The following GPD1 variants were observed in gnomAD, a reference collection of about 807,000 sequenced individuals.
GPD1 encodes the protein glycerol-3-phosphate dehydrogenase 1.
In GPD1, 19 loss-of-function variants were observed where a neutral mutation model predicts 34.4. The observed-to-expected ratio is 0.55, with a 90% CI of 0.39 to 0.81. GPD1 has a LOEUF of 0.81. Among genes scored for constraint, GPD1 ranks in the 30% least tolerant of loss-of-function variants. GPD1 has a pLI of 0.00. For missense variants in GPD1, 429 were observed against 447.0 expected, an observed-to-expected ratio of 0.96 and a Z score of 0.36; for synonymous variants, 172 against 174.1, an observed-to-expected ratio of 0.99 and a Z score of 0.09.
chr12:50,104,857 C>G, intron 2 of GPD1, 106 bp downstream of exon 2: 1 of 903,562 alleles, frequency 1.1e-6, no homozygotes, highest in Admixed American at 2.1e-5. Context: ...GCTTCAGGTG[C>G]AGCAGGACTT....
In GPD1 at chr12:50,107,616, A is replaced by G; in HGVS notation, c.662A>G (p.Asp221Gly). Residue 221 changes from aspartate to glycine, a missense_variant, in exon 6 of 8, where the codon GAC (aspartate) becomes GGC (glycine). Asp to Gly is a moderately conservative substitution (Grantham distance 94). Transcript: ENST00000301149. ...AGFCDGLGFG[D>G]NTKAAVIRLG... ...TTCTGTGATGGCCTGGGCTTTGGCG[A>G]CAACACCAAGGCGGCAGTGATCCGG... The G allele has an allele frequency of 1.2e-6, 2 of 1,614,144 alleles. No homozygotes were observed. The highest frequency in any genetic ancestry group is 2.2e-5 in the South Asian group (2 of 91,086).
chr12:50,109,263 C>A (rs537437619), intron 7 of GPD1, among the ~76,000 whole-genome samples, 160 bp from the exon 8 acceptor site: 1 of 151,918 alleles, frequency 6.6e-6, no homozygotes, highest in East Asian at 1.9e-4. Context: ...AAACCTAGGG[C>A]TAGGGAGTTC....
At chr12:50,107,314 A>G (rs1179752545) in intron 5 of GPD1, 1 of 672,848 alleles carries the variant, frequency 1.5e-6, no homozygotes, top group African/African-American at 1.8e-5. Context: ...TGGAATGGTC[A>G]TAGATGGGAA....
At chr12:50,104,517 C>G in intron 1 of GPD1, 57 bp from the exon 2 acceptor site, 1 of 1,391,170 alleles carries the variant, frequency 7.2e-7, no homozygotes, top group Non-Finnish European at 1.0e-6. Flanking sequence ...GGGCGCTGCC[C>G]CAACTCCTGC....
chr12:50,104,106 C>A lies in GPD1; in HGVS notation c.41+15C>A, dbSNP rs764978813. ...TCCGGGAACTGGTAAGCAGCTCTGTCAAGTGATATGGGGGAAGGGTAGGCC... is the reference window on the plus strand; with the variant it reads ...TCCGGGAACTGGTAAGCAGCTCTGTAAAGTGATATGGGGGAAGGGTAGGCC... On this transcript the variant is annotated intron_variant, in intron 1 of 7. Coordinates refer to ENST00000301149, the MANE Select transcript of GPD1 (RefSeq NM_005276.4). 4 of 1,612,760 alleles carry A rather than the reference C, an allele frequency of 2.5e-6. No homozygotes were observed. Among genetic ancestry groups the A allele is most frequent in the Non-Finnish European group, 3.4e-6 (4 of 1,178,884 alleles).
At position 50,107,760 on chromosome 12, in the gene GPD1, G is replaced by A. The variant is rs369575243; in HGVS notation, c.806G>A (p.Arg269Gln). Residue 269 changes from arginine (R) to glutamine (Q), a missense_variant, in exon 6 of 8, where the codon CGG (arginine) becomes CAG (glutamine). Coordinates refer to ENST00000301149, the MANE Select transcript of GPD1 (RefSeq NM_005276.4). ...CTGATCACTACCTGCTATGGAGGGC[G>A]GAACCGGAAAGTGGCTGAGGCCTTT... ...ADLITTCYGG[R>Q]NRKVAEAFAR... 5.1e-5 allele frequency: 83 copies of A among 1,613,998 alleles called. No individual in the cohort carries two copies. Among genetic ancestry groups the A allele is most frequent in the Middle Eastern group, 1.6e-4 (1 of 6,084 alleles).
chr12:50,105,947 G>A (rs542720015), intron 3 of GPD1: 42 of 679,100 alleles, frequency 6.2e-5, no homozygotes, highest in Middle Eastern at 2.3e-4. Context: ...ATGCCTGGGA[G>A]ATATGAGAAG....
Position 50,104,765 on chromosome 12 carries a change from C to T in GPD1, c.219+14C>T. ...CCCCCAAATGTGGTGAGCCCCAACA[C>T]CCTGCGAAGAACAGGGAGAGGAAGG... On this transcript the variant is annotated intron_variant, in intron 2 of 7. Transcript: ENST00000301149. 1 of 1,609,254 alleles carries T rather than the reference C, an allele frequency of 6.2e-7. No homozygotes were observed. Among genetic ancestry groups the T allele is most frequent in the Non-Finnish European group, 8.5e-7 (1 of 1,176,224 alleles).
intron 4 of GPD1, 115 bp downstream of exon 4, chr12:50,106,541 G>A (rs1950980129): frequency 3.8e-6 from 4 of 1,051,284 alleles, no homozygotes; most frequent in Admixed American, 4.8e-5. Flanking sequence ...GAAAATACAA[G>A]CATCAGAGGT....
At position 50,109,850 on chromosome 12, in the gene GPD1, T is replaced by TG. The variant is rs1951010031; in HGVS notation, c.*336dup. On this transcript the variant is annotated 3_prime_UTR_variant, in exon 8 of 8. Transcript: ENST00000301149. ...GGGGGTGATGTATGTGGAGAAGGGT[T>TG]GGGGGAGAGGCCGGTAGGGCAGGGG... is the stretch of plus-strand genomic sequence containing the variant. 6.9e-6 allele frequency: 2 copies of TG among 291,596 alleles called. No individual in the cohort carries two copies. Among genetic ancestry groups the TG allele is most frequent in the Non-Finnish European group, 1.3e-5 (2 of 149,604 alleles). 18.1% of individuals were successfully genotyped at this position (291,596 alleles called of 1,614,324 possible). A position where few individuals can be genotyped will look rare whatever the true frequency, so the allele number is the denominator to read the frequency against.
intron 6 of GPD1, 62 bp from the exon 7 acceptor site, chr12:50,107,962 T>A: frequency 9.6e-6 from 11 of 1,144,802 alleles, no homozygotes; most frequent in Non-Finnish European, 1.2e-5. Flanking sequence ...CTCCAGTCTC[T>A]CCACCCCCTA....
In GPD1 at chr12:50,104,022, T is replaced by C; in HGVS notation, c.-29T>C. The C allele has an allele frequency of 6.2e-7, 1 of 1,613,610 alleles. No individual in the cohort carries two copies. The highest frequency in any genetic ancestry group is 8.5e-7 in the Non-Finnish European group (1 of 1,179,586). On this transcript the variant is annotated 5_prime_UTR_variant, in exon 1 of 8. Coordinates refer to ENST00000301149, the MANE Select transcript of GPD1 (RefSeq NM_005276.4). ...GCAGAGGAGCTAGGGAGTGTGGCAC[T>C]GAGCCGGCTCAGGCAGAGACGCGGC...
Position 50,105,702 on chromosome 12 carries a change from C to T in GPD1, c.360+14C>T. ...TCTCTTATTAAGGTGCCAGGGACAC[C>T]TTCATGTGGATGGGGGAGGGTGCGG... On this transcript the variant is annotated intron_variant, in intron 3 of 7. Coordinates refer to ENST00000301149, the MANE Select transcript of GPD1 (RefSeq NM_005276.4). 6.2e-7 allele frequency: 1 copy of T among 1,613,546 alleles called. No individual in the cohort carries two copies. The highest frequency in any genetic ancestry group is 8.5e-7 in the Non-Finnish European group (1 of 1,179,614).
chr12:50,107,123 C>T, intron 5 of GPD1: 1 of 689,206 alleles, frequency 1.5e-6, no homozygotes, highest in South Asian at 1.5e-5. Context: ...AGACCGTGGA[C>T]CCCCTTGCTC....
chr12:50,107,751 A>G lies in GPD1; in HGVS notation c.797A>G (p.Tyr266Cys), dbSNP rs1592302923. ...CGVADLITTC[Y>C]GGRNRKVAEA... The stretch of plus-strand genomic sequence containing the variant: ...GTTGCTGACCTGATCACTACCTGCT[A>G]TGGAGGGCGGAACCGGAAAGTGGCT... Residue 266 changes from tyrosine (Y) to cysteine (C), a missense_variant, in exon 6 of 8, where the codon TAT becomes TGT. Transcript: ENST00000301149. The G allele has an allele frequency of 6.2e-7, 1 of 1,614,068 alleles. No homozygotes were observed. Among genetic ancestry groups the G allele is most frequent in the Non-Finnish European group, 8.5e-7 (1 of 1,179,988 alleles).
Position 50,111,204 on chromosome 12 carries a change from G to T in GPD1, c.*1685G>T, listed in dbSNP as rs1489854427. 6.6e-6 allele frequency: 1 copy of T among 152,220 alleles called. No individual in the cohort carries two copies. Among genetic ancestry groups the T allele is most frequent in the Non-Finnish European group, 1.5e-5 (1 of 68,094 alleles). 9.4% of individuals were successfully genotyped at this position (152,220 alleles called of 1,614,324 possible). A position where few individuals can be genotyped will look rare whatever the true frequency, so the allele number is the denominator to read the frequency against. ...CCAGGAGGTTAAGGTGGGGGCAAAG[G>T]GGAAGCTTCAAGCACTTTGCCTACT... On this transcript the variant is annotated 3_prime_UTR_variant, in exon 8 of 8. Transcript: ENST00000301149. This position sits in a 1 kb window ranked among gnomAD's most constrained non-coding sequence, Gnocchi z 4.1.
chr12:50,104,065 A>G lies in GPD1; in HGVS notation c.15A>G (p.Lys5=), dbSNP rs1565746146. Residue 5 remains lysine (K), a synonymous_variant, in exon 1 of 8, where the codon AAA becomes AAG. Transcript: ENST00000301149. The part of the protein sequence containing the change: MASK[K]VCIVGSGNWG... ...GACGCGGCACCATGGCTAGCAAGAAAGTCTGCATTGTAGGCTCCGGGAACT... is the reference window on the plus strand; with the variant it reads ...GACGCGGCACCATGGCTAGCAAGAAGGTCTGCATTGTAGGCTCCGGGAACT... 6.2e-7 allele frequency: 1 copy of G among 1,614,118 alleles called. No individual in the cohort carries two copies. Among genetic ancestry groups the G allele is most frequent in the Admixed American group, 1.7e-5 (1 of 60,026 alleles).
chr12:50,108,172 C>G, intron 7 of GPD1, 42 bp downstream of exon 7: 2 of 1,104,860 alleles, frequency 1.8e-6, no homozygotes, highest in Non-Finnish European at 2.7e-6. Flanking sequence ...GGAGCCACAG[C>G]CAGAAGTGCT....
At chr12:50,107,152 G>A (rs557551735) in intron 5 of GPD1, 34 of 676,164 alleles carry the variant, frequency 5.0e-5, no homozygotes, top group South Asian at 1.7e-4. Context: ...TTTTAGCCCC[G>A]TGTGGGACTC....
Sources: gnomAD v4.1 joint callset for allele counts (sites outside exome capture counted in the v4.1 genomes callset) on GRCh38, gnomAD v4.1.1 for gene constraint, Gnocchi (gnomAD v3.1) non-coding constraint, MANE v1.5 for transcripts, NCBI Gene and HGNC (gene_info 2026-07-23, HGNC 2026-07-21) for gene names.